RAPGEF5: variants seen among roughly 807,000 people sequenced by gnomAD.
The protein encoded by RAPGEF5 is Rap guanine nucleotide exchange factor 5.
Under a neutral mutation model 125.2 loss-of-function variants are expected in RAPGEF5, and 65 were observed. That is an observed-to-expected ratio of 0.52 (90% CI 0.43 to 0.64). The LOEUF is 0.64. RAPGEF5 is among the 30% of genes least tolerant of loss of function. The pLI is 0.00. For synonymous variants in RAPGEF5, 391 were observed against 385.9 expected (o/e 1.01, Z -0.16); for missense variants, 958 against 1,048.1 (o/e 0.91, Z 1.19).
At chr7:22,246,910 G>T (rs553160073) in intron 7 of RAPGEF5, among the ~76,000 whole-genome samples, 1 of 152,258 alleles carries the variant, frequency 6.6e-6, no homozygotes. Context: ...ATTAAAAAAT[G>T]AGCAAAATAC....
chr7:22,221,363 G>C (rs1785784765), intron 8 of RAPGEF5, among the ~76,000 whole-genome samples: 1 of 152,142 alleles, frequency 6.6e-6, no homozygotes, highest in Non-Finnish European at 1.5e-5. Flanking sequence ...GACTAGTTTT[G>C]CCTTTTAAAG....
chr7:22,266,234 C>T (rs1219220334), intron 7 of RAPGEF5, among the ~76,000 whole-genome samples: 1 of 152,160 alleles, frequency 6.6e-6, no homozygotes, highest in Non-Finnish European at 1.5e-5. Context: ...TCTAGTTTAA[C>T]ATTATCCAAG....
rs141558674 is a variant in RAPGEF5 at position 22,214,073 on chromosome 7, C to T, written c.996+5793G>A. 8.1e-4 allele frequency among the ~76,000 whole-genome samples: 123 copies of T among 152,276 alleles called. 2 individuals carry two copies. Among genetic ancestry groups the T allele is most frequent in the Admixed American group, 3.1e-3 (48 of 15,288 alleles). On this transcript the variant is annotated intron_variant, in intron 9 of 25. Coordinates refer to ENST00000665637, the MANE Select transcript of RAPGEF5 (RefSeq NM_012294.5). Reference sequence around the variant, plus strand: ...GAATACTCCAAACCACTTCTCCCCTCGTAATCCTTAAACAAGGAACCTTTG... The same window carrying T: ...GAATACTCCAAACCACTTCTCCCCTTGTAATCCTTAAACAAGGAACCTTTG...
chr7:22,244,769 G>A lies in RAPGEF5; in HGVS notation c.797-13850C>T, dbSNP rs576608315. On this transcript the variant is annotated intron_variant, in intron 7 of 25. Transcript: ENST00000665637. ...GGTCCCTGGTGCCAAAATGGTAGGC[G>A]ACCGCTGCTGAAATTAAAATGAGAG... Among the ~76,000 whole-genome samples, 7 of 152,168 alleles carry A rather than the reference G, an allele frequency of 4.6e-5. No individual in the cohort carries two copies. The East Asian group carries it at 5.8e-4, about 13-fold the overall frequency.
At chr7:22,166,763 T>A (rs1451901549) in intron 12 of RAPGEF5, among the ~76,000 whole-genome samples, 1 of 152,256 alleles carries the variant, frequency 6.6e-6, no homozygotes, top group African/African-American at 2.4e-5. Context: ...CTCTTGACTC[T>A]GGGGTTTACC....
chr7:22,172,168 G>C (rs1429188270), intron 11 of RAPGEF5, among the ~76,000 whole-genome samples: 2 of 152,086 alleles, frequency 1.3e-5, no homozygotes, highest in East Asian at 3.9e-4. Flanking sequence ...TGGCACCCAG[G>C]CTGGAGTACA....
intron 6 of RAPGEF5, among the ~76,000 whole-genome samples, chr7:22,286,184 G>T (rs1782792663): frequency 6.6e-6 from 1 of 152,146 alleles, no homozygotes; most frequent in African/African-American, 2.4e-5. Context: ...CCACCACCGG[G>T]TTAATGTTTT....
At chr7:22,332,570 T>A (rs76983175) in intron 1 of RAPGEF5, among the ~76,000 whole-genome samples, 1 of 152,328 alleles carries the variant, frequency 6.6e-6, no homozygotes, top group East Asian at 1.9e-4. Flanking sequence ...GTAGTAAAGA[T>A]TCCATGCTAA....
At chr7:22,139,450 C>T (rs1783185175) in intron 21 of RAPGEF5, among the ~76,000 whole-genome samples, 1 of 152,190 alleles carries the variant, frequency 6.6e-6, no homozygotes, top group Admixed American at 6.5e-5. Flanking sequence ...AGTTTCAGGT[C>T]TTCCCACATG....
chr7:22,263,465 T>C (rs1782205921), intron 7 of RAPGEF5, among the ~76,000 whole-genome samples: 1 of 152,116 alleles, frequency 6.6e-6, no homozygotes, highest in Admixed American at 6.6e-5. Flanking sequence ...TGTGGTGGCT[T>C]ACGCCTATAA....
intron 11 of RAPGEF5, chr7:22,191,456 A>G (rs975579065): frequency 9.4e-6 from 4 of 424,562 alleles, no homozygotes; most frequent in South Asian, 1.7e-5. Context: ...GCAAAACTCT[A>G]AAGTTTCATT....
chr7:22,189,909 G>T (rs1784938799), intron 11 of RAPGEF5, among the ~76,000 whole-genome samples: 2 of 152,150 alleles, frequency 1.3e-5, no homozygotes, highest in Non-Finnish European at 2.9e-5. Flanking sequence ...AAAACTGGCT[G>T]CAAATAAAGA....
intron 2 of RAPGEF5, among the ~76,000 whole-genome samples, chr7:22,316,658 T>G (rs1196788602): frequency 6.6e-6 from 1 of 150,886 alleles, no homozygotes; most frequent in Non-Finnish European, 1.5e-5. Flanking sequence ...GCCCAGCTAA[T>G]ATTTGTTTTT....
At chr7:22,268,092 C>T (rs1419142472) in intron 6 of RAPGEF5, among the ~76,000 whole-genome samples, 1 of 152,122 alleles carries the variant, frequency 6.6e-6, no homozygotes, top group African/African-American at 2.4e-5. Context: ...GCAGCTTGTC[C>T]CATCTGTCTT....
chr7:22,251,993 C>G (rs1786635221), intron 7 of RAPGEF5, among the ~76,000 whole-genome samples: 1 of 152,100 alleles, frequency 6.6e-6, no homozygotes. Context: ...AGGGTACACT[C>G]ATTATGCTCA....
At chr7:22,317,867 G>T in intron 2 of RAPGEF5, 120 bp downstream of exon 2, 1 of 1,333,634 alleles carries the variant, frequency 7.5e-7, no homozygotes, top group Non-Finnish European at 1.0e-6. Context: ...GATCACTGCA[G>T]CATCCCTGCA....
chr7:22,308,328 C>A lies in RAPGEF5; in HGVS notation c.680+11G>T. 1.3e-6 allele frequency: 2 copies of A among 1,574,464 alleles called. No homozygotes were observed. The highest frequency in any genetic ancestry group is 1.7e-6 in the Non-Finnish European group (2 of 1,158,858). On this transcript the variant is annotated intron_variant, in intron 5 of 25. Transcript: ENST00000665637. Reference sequence around the variant, plus strand: ...GTAAGAATACAATGGCACAAGAGAGCATCTACTTACAGTTCACAGATGCCA... The same window carrying A: ...GTAAGAATACAATGGCACAAGAGAGAATCTACTTACAGTTCACAGATGCCA...
intron 3 of RAPGEF5, among the ~76,000 whole-genome samples, chr7:22,312,425 T>C (rs1783493943): frequency 6.6e-6 from 1 of 152,024 alleles, no homozygotes; most frequent in Admixed American, 6.6e-5. Flanking sequence ...GCCAGGTTGG[T>C]CTCGAACTCC....
chr7:22,340,745 C>T (rs910422901), intron 1 of RAPGEF5, among the ~76,000 whole-genome samples: 2 of 152,196 alleles, frequency 1.3e-5, no homozygotes, highest in Middle Eastern at 3.2e-3. Flanking sequence ...GTCCGTTCCC[C>T]CTAAGAGGTG....
Sources: gnomAD v4.1 joint callset for allele counts (sites outside exome capture counted in the v4.1 genomes callset) on GRCh38, gnomAD v4.1.1 for gene constraint, MANE v1.5 for transcripts, NCBI Gene and HGNC (gene_info 2026-07-23, HGNC 2026-07-21) for gene names.